The following SOS2 variants were observed in gnomAD, a reference collection of about 807,000 sequenced individuals.
SOS2 encodes SOS Ras/Rho guanine nucleotide exchange factor 2, also known as son of sevenless homolog 2.
A neutral mutation model predicts 148.2 loss-of-function variants in SOS2; 65 were observed. That is an observed-to-expected ratio of 0.44 (90% CI 0.36 to 0.54). SOS2 has a LOEUF of 0.54. SOS2 is among the 20% of genes least tolerant of loss of function. SOS2 has a pLI of 0.00. For synonymous variants in SOS2, 539 were observed against 537.1 expected, an observed-to-expected ratio of 1.00 and a Z score of -0.05; for missense variants, 1,341 against 1,590.2, an observed-to-expected ratio of 0.84 and a Z score of 2.67.
chr14:50,208,123 C>T (rs1406682519), intron 1 of SOS2, among the ~76,000 whole-genome samples: 1 of 151,914 alleles, frequency 6.6e-6, no homozygotes, highest in Non-Finnish European at 1.5e-5. Context: ...TGGTGAAATC[C>T]CATCTCTACT....
rs1224696199 is a variant in SOS2 at position 50,130,648 on chromosome 14, A to T, written c.3190T>A (p.Cys1064Ser). ...GHPTPLEREP[C>S]KISFSRIAET... Reference sequence around the variant, plus strand: ...GCAATCCGACTAAAGCTTATTTTACATGGTTCTCTTTCTAATGGTGTTGGG... The same window carrying T: ...GCAATCCGACTAAAGCTTATTTTACTTGGTTCTCTTTCTAATGGTGTTGGG... The change falls in exon 20 of 23, where the codon TGT becomes AGT. Residue 1064 changes from cysteine to serine, a missense_variant. Around this residue, in one of 4 missense-constraint regions of SOS2, gnomAD observed 354 missense variants for 347.7 expected, o/e 1.02. Transcript: ENST00000216373. 3 of 1,614,014 alleles carry T rather than the reference A, an allele frequency of 1.9e-6. No homozygotes were observed. The highest frequency in any genetic ancestry group is 2.5e-6 in the Non-Finnish European group (3 of 1,180,024).
intron 13 of SOS2, among the ~76,000 whole-genome samples, 156 bp from the exon 14 acceptor site, chr14:50,150,386 TAG>T (rs879612573): frequency 6.6e-6 from 1 of 152,208 alleles, no homozygotes; most frequent in East Asian, 1.9e-4. Flanking sequence ...CGTCACTTCC[TAG>T]GTTATTCTGA....
At chr14:50,122,933 G>T (rs1483017062) in intron 21 of SOS2, among the ~76,000 whole-genome samples, 1 of 152,208 alleles carries the variant, frequency 6.6e-6, no homozygotes, top group Non-Finnish European at 1.5e-5. Flanking sequence ...GTCAGGCACT[G>T]TCTGAAGCAC....
intron 14 of SOS2, 41 bp downstream of exon 14, chr14:50,149,967 A>T (rs755002982): frequency 1.5e-6 from 2 of 1,357,838 alleles, no homozygotes; most frequent in Non-Finnish European, 2.1e-6. Context: ...AATGTTCAAG[A>T]TTCTTAAAAA....
At chr14:50,154,823 T>C (rs796278446) in intron 12 of SOS2, among the ~76,000 whole-genome samples, 37 of 152,280 alleles carry the variant, frequency 2.4e-4, no homozygotes, top group African/African-American at 7.9e-4. Flanking sequence ...ATAAGGGAAC[T>C]TTCTGGGGTG....
At chr14:50,201,349 G>C (rs12882042) in intron 2 of SOS2, among the ~76,000 whole-genome samples, 1 of 151,688 alleles carries the variant, frequency 6.6e-6, no homozygotes, top group Non-Finnish European at 1.5e-5. Flanking sequence ...CAGGCAACAC[G>C]GTGAAACCCC....
rs1373092438 is a variant in SOS2 at position 50,223,285 on chromosome 14, A to G, written c.87+7912T>C. On this transcript the variant is annotated intron_variant, in intron 1 of 22. Coordinates refer to ENST00000216373, the MANE Select transcript of SOS2 (RefSeq NM_006939.4). ...GTGTGGTGCTTCATGCCTGTAACTCAAACACTTTGGAGGCTGAGGCAGGAG... is the reference window on the plus strand; with the variant it reads ...GTGTGGTGCTTCATGCCTGTAACTCGAACACTTTGGAGGCTGAGGCAGGAG... Among the ~76,000 whole-genome samples, 3 of 152,266 alleles carry G rather than the reference A, an allele frequency of 2.0e-5. No individual in the cohort carries two copies. In the East Asian group the frequency reaches 5.8e-4, roughly 29 times the overall value.
chr14:50,121,139 CTT>C (rs2096694842), intron 21 of SOS2, among the ~76,000 whole-genome samples: 1 of 152,116 alleles, frequency 6.6e-6, no homozygotes, highest in South Asian at 2.1e-4. Flanking sequence ...TCACATAACT[CTT>C]TGTCTTTGCA....
chr14:50,141,584 TCAAAA>T lies in SOS2; in HGVS notation c.2668-1530_2668-1526del, dbSNP rs539688308. 1.9e-3 allele frequency among the ~76,000 whole-genome samples: 287 copies of T among 151,756 alleles called. 2 individuals carry two copies. Among genetic ancestry groups the T allele is most frequent in the African/African-American group, 6.0e-3 (249 of 41,372 alleles). ...TAGCAAAAGAGGTATGCGATCTCTG[TCAAAA>T]CAAAAAAAACCCCACAAAACTTTAT... On this transcript the variant is annotated intron_variant, in intron 16 of 22. Coordinates refer to ENST00000216373, the MANE Select transcript of SOS2 (RefSeq NM_006939.4).
chr14:50,156,951 GTATATATATGTGTATATA>G, intron 12 of SOS2, 30 bp downstream of exon 12: 1 of 844,200 alleles, frequency 1.2e-6, no homozygotes, highest in Non-Finnish European at 1.8e-6. Context: ...GTGTGTGTGT[GTATATATATGTGTATATA>G]TATATATATA....
chr14:50,185,000 A>G (rs1885861901), intron 5 of SOS2, among the ~76,000 whole-genome samples: 2 of 152,040 alleles, frequency 1.3e-5, no homozygotes, highest in African/African-American at 4.8e-5. Context: ...GAGGGCTTGG[A>G]AACTCTGTGC....
chr14:50,157,149 TC>T, intron 11 of SOS2, 28 bp from the exon 12 acceptor site: 1 of 1,603,742 alleles, frequency 6.2e-7, no homozygotes, highest in Non-Finnish European at 8.5e-7. Flanking sequence ...AGGAGAAAAA[TC>T]CGTTCATACA....
intron 21 of SOS2, among the ~76,000 whole-genome samples, chr14:50,122,730 T>C (rs189416862): frequency 6.6e-6 from 1 of 152,318 alleles, no homozygotes; most frequent in Admixed American, 6.5e-5. Flanking sequence ...TGCAATTTAA[T>C]TGTCTATCAA....
rs141100073 is a variant in SOS2, at chr14:50,189,305, T to TACACAC, written c.511-611_511-606dup. The stretch of plus-strand genomic sequence containing the variant: ...GTATATGTATATATGTATACTGTAA[T>TACACAC]ACACACACACACACACACATAATAG... On this transcript the variant is annotated intron_variant, in intron 4 of 22. Transcript: ENST00000216373. 2.2e-3 allele frequency among the ~76,000 whole-genome samples: 149 copies of TACACAC among 68,670 alleles called. 3 individuals are homozygous for TACACAC. Among genetic ancestry groups the TACACAC allele is most frequent in the South Asian group, 4.5e-3 (9 of 1,996 alleles). 45.1% of individuals were successfully genotyped at this position (68,670 alleles called of 152,430 possible).
chr14:50,121,528 G>C lies in SOS2; in HGVS notation c.3380-1144C>G, dbSNP rs56257375. Among the ~76,000 whole-genome samples, 445 of 92,484 alleles carry C rather than the reference G, an allele frequency of 4.8e-3. 9 individuals carry two copies. Among genetic ancestry groups the C allele is most frequent in the African/African-American group, 0.02 (398 of 19,988 alleles). The allele number at this position is 92,484 out of a possible 152,430, so 60.7% of individuals were successfully genotyped here. On this transcript the variant is annotated intron_variant, in intron 21 of 22. Transcript: ENST00000216373. ...ATGTGGCTCTGCAGTTACTTCCTGG[G>C]GGAGGGGGGGGAGTCCTGTTGACTC... is the stretch of plus-strand genomic sequence containing the variant.
intron 2 of SOS2, among the ~76,000 whole-genome samples, chr14:50,201,870 G>A (rs1886501408): frequency 6.6e-6 from 1 of 152,184 alleles, no homozygotes; most frequent in African/African-American, 2.4e-5. Flanking sequence ...AAGATGAAAT[G>A]GGTGAGAGAG....
Position 50,118,724 on chromosome 14 carries a change from G to A in SOS2, c.3619C>T (p.Pro1207Ser), listed in dbSNP as rs1883398374. 5 of 1,613,692 alleles carry A rather than the reference G, an allele frequency of 3.1e-6. No individual in the cohort carries two copies. The highest frequency in any genetic ancestry group is 4.2e-6 in the Non-Finnish European group (5 of 1,179,980). ...DGPLHSPPPP[P>S]PRDPLPDTPP... ...GTATCAGGAAGAGGATCTCTTGGTG[G>A]TGGCGGAGGTGGACTATGCAGAGGC... Residue 1207 changes from proline (P) to serine (S), a missense_variant, in exon 23 of 23, where the codon CCA (proline) becomes TCA (serine). This residue lies in a region of SOS2 where 354 missense variants were observed against 347.7 expected (regional missense o/e 1.02). Coordinates refer to ENST00000216373, the MANE Select transcript of SOS2 (RefSeq NM_006939.4).
intron 4 of SOS2, among the ~76,000 whole-genome samples, chr14:50,197,685 C>T (rs1309666182): frequency 8.0e-6 from 1 of 124,828 alleles, no homozygotes; most frequent in Non-Finnish European, 1.6e-5. Context: ...GTCAGCTTTA[C>T]CACCTTTTTT....
At chr14:50,199,622 CA>C (rs1886419353) in intron 4 of SOS2, 68 bp downstream of exon 4, 1 of 932,786 alleles carries the variant, frequency 1.1e-6, no homozygotes, top group Non-Finnish European at 1.6e-6. Flanking sequence ...ATAATGTACA[CA>C]AAAAGATTGA....
Sources: gnomAD v4.1 joint callset for allele counts (sites outside exome capture counted in the v4.1 genomes callset) on GRCh38, gnomAD v4.1.1 for gene constraint, gnomAD v4.1.1 regional missense constraint, MANE v1.5 for transcripts, NCBI Gene and HGNC (gene_info 2026-07-23, HGNC 2026-07-21) for gene names.